Variants in HMBOX1 observed in about 807,000 individuals in gnomAD.
HMBOX1 encodes homeobox-containing protein 1.
HMBOX1 carries 14 observed loss-of-function variants against 54.5 expected under a neutral mutation model. The observed-to-expected ratio is 0.26, with a 90% CI of 0.17 to 0.40. The LOEUF (loss-of-function observed/expected upper bound fraction) is 0.40. Among genes scored for constraint, HMBOX1 ranks in the 10% least tolerant of loss-of-function variants. The pLI is 1.00. For synonymous variants in HMBOX1, 160 were observed against 181.0 expected, an observed-to-expected ratio of 0.88 and a Z score of 0.93; for missense variants, 332 against 514.4, an observed-to-expected ratio of 0.65 and a Z score of 3.43.
rs1806533162 is a variant in HMBOX1, at chr8:29,052,503, GTTACTTT to G, written c.*1352_*1358del. The G allele has an allele frequency of 6.6e-6, 1 of 151,958 alleles. No individual in the cohort carries two copies. The highest frequency in any genetic ancestry group is 6.6e-5 in the Admixed American group (1 of 15,262). The allele number at this position is 151,958 out of a possible 1,614,324, so 9.4% of individuals were successfully genotyped here. A position where few individuals can be genotyped will look rare whatever the true frequency, so the allele number is the denominator to read the frequency against. ...CCTTGATCACATATGTAGCACTTTT[GTTACTTT>G]TTAAAGATATTTATATTTGATAAAT... On this transcript the variant is annotated 3_prime_UTR_variant, in exon 10 of 10. Coordinates refer to ENST00000287701, the MANE Select transcript of HMBOX1 (RefSeq NM_001135726.3).
rs1159138618 is a variant in HMBOX1 at position 28,912,404 on chromosome 8, A to G, written c.-58+21726A>G. On this transcript the variant is annotated intron_variant, in intron 1 of 9. Transcript: ENST00000287701. ...CAAGCTCCCTCAACCTCACTTTCCC[A>G]TCCAGATTCTGCCATGTTTCTGTTT... is the stretch of plus-strand genomic sequence containing the variant. 2.0e-5 allele frequency among the ~76,000 whole-genome samples: 3 copies of G among 152,254 alleles called. 1 individual carries two copies. Among genetic ancestry groups the G allele is most frequent in the East Asian group, 3.9e-4 (2 of 5,182 alleles).
intron 1 of HMBOX1, chr8:28,891,747 ATTTGCC>A (rs1233399571): frequency 9.9e-5 from 15 of 152,252 alleles, no homozygotes; most frequent in Non-Finnish European, 4.4e-5. Flanking sequence ...TCTGTCTTGC[ATTTGCC>A]TGAAAGCTGG....
intron 1 of HMBOX1, among the ~76,000 whole-genome samples, chr8:28,896,195 T>C (rs937887364): frequency 6.6e-6 from 1 of 152,260 alleles, no homozygotes; most frequent in Non-Finnish European, 1.5e-5. Flanking sequence ...CTTGAAGTGC[T>C]GGCAAGTCCT....
chr8:29,014,141 G>A (rs1359452280), intron 5 of HMBOX1, among the ~76,000 whole-genome samples: 1 of 151,976 alleles, frequency 6.6e-6, no homozygotes, highest in Non-Finnish European at 1.5e-5. Flanking sequence ...TATGTAAAGA[G>A]AACACTTACC....
chr8:29,032,052 G>C (rs910000439), intron 6 of HMBOX1, among the ~76,000 whole-genome samples: 3 of 152,244 alleles, frequency 2.0e-5, no homozygotes, highest in Non-Finnish European at 4.4e-5. Context: ...AAATGAGGCT[G>C]AGTGAGTAGG....
intron 1 of HMBOX1, among the ~76,000 whole-genome samples, chr8:28,933,798 G>T (rs1252966885): frequency 6.6e-6 from 1 of 152,190 alleles, no homozygotes; most frequent in African/African-American, 2.4e-5. Context: ...ACTTTAATAT[G>T]TTTTTTAAAG....
chr8:28,904,701 G>C (rs923837604), intron 1 of HMBOX1, among the ~76,000 whole-genome samples: 15 of 147,954 alleles, frequency 1.0e-4, no homozygotes, highest in Admixed American at 2.0e-4. Flanking sequence ...TTTTGAGATG[G>C]AGTCTCGCTC....
In HMBOX1 at chr8:29,029,886, CT is replaced by C. The variant is rs542552028; in HGVS notation, c.851+10975del. 2.8e-4 allele frequency among the ~76,000 whole-genome samples: 43 copies of C among 152,090 alleles called. No homozygotes were observed. The East Asian group carries it at 7.9e-3, about 28-fold the overall frequency. Reference sequence around the variant, plus strand: ...TCCTTATTTCATTTAACCCAAATTTCTTCTCTTTGTACTTCTTGTTTCTCTT... The same window carrying C: ...TCCTTATTTCATTTAACCCAAATTTCTCTCTTTGTACTTCTTGTTTCTCTT... On this transcript the variant is annotated intron_variant, in intron 6 of 9. Coordinates refer to ENST00000287701, the MANE Select transcript of HMBOX1 (RefSeq NM_001135726.3).
At chr8:28,941,846 A>G (rs1309406251) in intron 1 of HMBOX1, among the ~76,000 whole-genome samples, 1 of 152,206 alleles carries the variant, frequency 6.6e-6, no homozygotes, top group Non-Finnish European at 1.5e-5. Context: ...TTACCTATAG[A>G]CAGAGATGGA....
At chr8:29,043,544 A>G (rs1385825404) in intron 6 of HMBOX1, among the ~76,000 whole-genome samples, 2 of 152,272 alleles carry the variant, frequency 1.3e-5, no homozygotes, top group Non-Finnish European at 2.9e-5. Flanking sequence ...CCACAGTGAC[A>G]AGCACATATT....
intron 1 of HMBOX1, among the ~76,000 whole-genome samples, chr8:28,892,244 G>T (rs1396839619): frequency 6.6e-6 from 1 of 152,162 alleles, no homozygotes; most frequent in Non-Finnish European, 1.5e-5. Flanking sequence ...GTGCAATTAA[G>T]TTGCTTGATC....
chr8:29,047,543 G>T, intron 8 of HMBOX1, 90 bp downstream of exon 8: 17 of 605,118 alleles, frequency 2.8e-5, no homozygotes, highest in African/African-American at 5.9e-5. Context: ...GAAACTGCAA[G>T]TCTAAAGGAT....
intron 4 of HMBOX1, among the ~76,000 whole-genome samples, chr8:28,986,657 A>G (rs948191463): frequency 6.6e-6 from 1 of 152,202 alleles, no homozygotes; most frequent in Admixed American, 6.5e-5. Flanking sequence ...TCTTCTTTGA[A>G]TGTACTTCAT....
At chr8:28,958,333 A>G (rs922681529) in intron 1 of HMBOX1, among the ~76,000 whole-genome samples, 3 of 152,168 alleles carry the variant, frequency 2.0e-5, no homozygotes, top group Non-Finnish European at 2.9e-5. Context: ...AATCATTGAC[A>G]AAAAGATATT....
intron 6 of HMBOX1, among the ~76,000 whole-genome samples, chr8:29,045,016 G>T (rs1437961650): frequency 8.5e-5 from 13 of 152,168 alleles, no homozygotes; most frequent in Non-Finnish European, 1.9e-4. Context: ...CCATATCAAT[G>T]ACATCTTTTA....
intron 4 of HMBOX1, among the ~76,000 whole-genome samples, chr8:28,993,922 A>G (rs955149087): frequency 2.0e-5 from 3 of 152,172 alleles, no homozygotes; most frequent in African/African-American, 7.2e-5. Flanking sequence ...AAATCCCAGC[A>G]CTTTGGGAGA....
At chr8:28,918,464 A>C (rs1206371772) in intron 1 of HMBOX1, among the ~76,000 whole-genome samples, 14 of 152,038 alleles carry the variant, frequency 9.2e-5, no homozygotes, top group Non-Finnish European at 1.5e-5. Context: ...TGGCCTCCCA[A>C]AGTGTTGGGA....
upstream of HMBOX1, chr8:28,890,214 G>A: frequency 3.7e-6 from 1 of 269,318 alleles, no homozygotes; most frequent in Non-Finnish European, 7.2e-6. Context: ...TCTGGGATGT[G>A]TAGTCCCGAC....
intron 3 of HMBOX1, among the ~76,000 whole-genome samples, chr8:28,975,492 C>T (rs891779996): frequency 2.0e-5 from 3 of 151,934 alleles, no homozygotes; most frequent in Non-Finnish European, 4.4e-5. Flanking sequence ...GAAAGTTTAG[C>T]AAGTTATAAA....
Sources: allele counts gnomAD v4.1 joint callset (sites outside exome capture counted in the v4.1 genomes callset), GRCh38; gene constraint gnomAD v4.1.1; transcripts MANE v1.5; gene names NCBI Gene and HGNC (gene_info 2026-07-23, HGNC 2026-07-21).